The following CRB1 variants were observed in gnomAD, a reference collection of about 807,000 sequenced individuals.
CRB1 encodes crumbs cell polarity complex component 1.
In CRB1, 83 loss-of-function variants were observed where a neutral mutation model predicts 120.0. The observed-to-expected ratio is 0.69, with a 90% CI of 0.58 to 0.83. The LOEUF is 0.83. Among genes scored for constraint, CRB1 ranks in the 40% least tolerant of loss-of-function variants. CRB1 has a pLI of 0.00. For synonymous variants in CRB1, 625 were observed against 612.5 expected (o/e 1.02, Z -0.30); for missense variants, 1,699 against 1,687.6 (o/e 1.01, Z -0.12).
intron 1 of CRB1, among the ~76,000 whole-genome samples, chr1:197,299,544 G>A (rs891756553): frequency 4.2e-5 from 6 of 142,576 alleles, no homozygotes; most frequent in Non-Finnish European, 6.1e-5. Context: ...ATGTGCAATC[G>A]TGTACAAATC....
chr1:197,261,476 A>C, the CRB1 span, among the ~76,000 whole-genome samples: 1 of 152,262 alleles, frequency 6.6e-6, no homozygotes, highest in African/African-American at 2.4e-5. Flanking sequence ...GAGTGAGAAA[A>C]GCAAGTTGCA....
chr1:197,411,539 T>C (rs570783923), intron 5 of CRB1, among the ~76,000 whole-genome samples: 27 of 152,258 alleles, frequency 1.8e-4, no homozygotes, highest in Non-Finnish European at 3.4e-4. Context: ...TAGAAAACTG[T>C]CTTCTTTAGT....
chr1:197,254,027 C>T, the CRB1 span, among the ~76,000 whole-genome samples: 5 of 152,174 alleles, frequency 3.3e-5, no homozygotes, highest in African/African-American at 1.2e-4. Context: ...AGCTATTGAT[C>T]CAAACTCTGG....
chr1:197,216,241 T>G, the CRB1 span, among the ~76,000 whole-genome samples: 1 of 152,220 alleles, frequency 6.6e-6, no homozygotes, highest in Non-Finnish European at 1.5e-5. Flanking sequence ...ATACAGGTAA[T>G]GTCCCTCTTT....
chr1:197,253,512 T>G, the CRB1 span, among the ~76,000 whole-genome samples: 1 of 152,094 alleles, frequency 6.6e-6, no homozygotes, highest in Non-Finnish European at 1.5e-5. Flanking sequence ...TTGAATTAAT[T>G]CACATTTGTT....
chr1:197,417,743 G>A (rs1021393670), intron 5 of CRB1, among the ~76,000 whole-genome samples: 1 of 152,144 alleles, frequency 6.6e-6, no homozygotes, highest in East Asian at 1.9e-4. Context: ...TATCAGTCAA[G>A]TGAATAATTT....
At chr1:197,275,850 C>G (rs1655177876) in intron 1 of CRB1, among the ~76,000 whole-genome samples, 1 of 151,892 alleles carries the variant, frequency 6.6e-6, no homozygotes, top group Non-Finnish European at 1.5e-5. Context: ...AGTTATTTTA[C>G]TGTGCATGTG....
intron 4 of CRB1, among the ~76,000 whole-genome samples, chr1:197,349,783 C>A (rs1294322056): frequency 6.6e-6 from 1 of 152,164 alleles, no homozygotes; most frequent in Non-Finnish European, 1.5e-5. Context: ...TATTTGCTAA[C>A]CTTTGGTCAT....
intron 5 of CRB1, among the ~76,000 whole-genome samples, chr1:197,390,624 T>C (rs1254541995): frequency 2.0e-5 from 3 of 152,172 alleles, no homozygotes; most frequent in Non-Finnish European, 4.4e-5. Context: ...GTGCATAACA[T>C]GATACCTTGT....
chr1:197,469,309 C>T (rs892251974), intron 11 of CRB1, among the ~76,000 whole-genome samples: 6 of 152,138 alleles, frequency 3.9e-5, no homozygotes, highest in East Asian at 1.9e-4. Context: ...TTCCTAGTCA[C>T]GTAAGTACGG....
chr1:197,221,172 A>G, the CRB1 span, among the ~76,000 whole-genome samples: 1 of 152,340 alleles, frequency 6.6e-6, no homozygotes, highest in South Asian at 2.1e-4. Context: ...CATGTTGGGT[A>G]GAGAGAAGAA....
intron 1 of CRB1, among the ~76,000 whole-genome samples, chr1:197,311,281 CAGAAAG>C (rs1657503129): frequency 6.6e-6 from 1 of 152,104 alleles, no homozygotes; most frequent in African/African-American, 2.4e-5. Flanking sequence ...CGAAATAAGT[CAGAAAG>C]AGAAATGCAA....
intron 1 of CRB1, among the ~76,000 whole-genome samples, chr1:197,288,012 G>T (rs1013319157): frequency 6.6e-6 from 1 of 151,806 alleles, no homozygotes; most frequent in African/African-American, 2.4e-5. Flanking sequence ...TTACTACCAT[G>T]AGAGAGTTTC....
At chr1:197,374,624 G>A (rs1448985637) in intron 5 of CRB1, among the ~76,000 whole-genome samples, 1 of 152,120 alleles carries the variant, frequency 6.6e-6, no homozygotes, top group Non-Finnish European at 1.5e-5. Context: ...GGAGAGAGCA[G>A]CTCGACACTA....
chr1:197,460,587 A>G (rs1357538711), intron 11 of CRB1, among the ~76,000 whole-genome samples: 1 of 152,132 alleles, frequency 6.6e-6, no homozygotes, highest in Non-Finnish European at 1.5e-5. Flanking sequence ...AGTTCTAACC[A>G]TCATAGTACT....
intron 3 of CRB1, among the ~76,000 whole-genome samples, chr1:197,346,270 T>C (rs1477772520): frequency 6.0e-5 from 9 of 150,070 alleles, no homozygotes; most frequent in Non-Finnish European, 1.2e-4. Context: ...TGCTATGAGA[T>C]ACATTGGAAA....
chr1:197,314,679 T>G (rs1657741105), intron 1 of CRB1, among the ~76,000 whole-genome samples: 1 of 152,162 alleles, frequency 6.6e-6, no homozygotes, highest in African/African-American at 2.4e-5. Context: ...TTTGAATGCT[T>G]TTATTTTGTT....
chr1:197,268,058 T>C (rs1654699717), upstream of CRB1: 5 of 259,868 alleles, frequency 1.9e-5, no homozygotes, highest in South Asian at 1.7e-4. Context: ...AATCCCTCTA[T>C]TGAGAGCAAT....
At chr1:197,296,811 G>A (rs961785072) in intron 1 of CRB1, among the ~76,000 whole-genome samples, 3 of 152,038 alleles carry the variant, frequency 2.0e-5, no homozygotes, top group Non-Finnish European at 4.4e-5. Flanking sequence ...GGTTTCATAA[G>A]GGGGAACCCC....
Sources: gnomAD v4.1 joint callset for allele counts (sites outside exome capture counted in the v4.1 genomes callset) on GRCh38, gnomAD v4.1.1 for gene constraint, MANE v1.5 for transcripts, NCBI Gene and HGNC (gene_info 2026-07-23, HGNC 2026-07-21) for gene names.